Variants in PHACTR2 observed in about 807,000 individuals in gnomAD.
PHACTR2 encodes the protein phosphatase and actin regulator 2, also known as chromosome 6 open reading frame 56.
A neutral mutation model predicts 76.0 loss-of-function variants in PHACTR2; 30 were observed. The ratio of observed to expected loss-of-function variants is 0.39; its 90% confidence interval spans 0.30 to 0.54. The LOEUF (loss-of-function observed/expected upper bound fraction) is 0.54, where lower values mean the gene tolerates loss of function less well. Among genes scored for constraint, PHACTR2 ranks in the 20% least tolerant of loss-of-function variants. The pLI is 0.61. For synonymous variants in PHACTR2, 292 were observed against 292.5 expected (o/e 1.00, Z 0.02); for missense variants, 696 against 781.1 (o/e 0.89, Z 1.30).
chr6:143,589,999 T>A lies in PHACTR2; in HGVS notation c.217+52792T>A, dbSNP rs1415565374. Among the ~76,000 whole-genome samples the A allele has an allele frequency of 6.6e-6, 1 of 152,202 alleles. No individual in the cohort carries two copies. The highest frequency in any genetic ancestry group is 1.5e-5 in the Non-Finnish European group (1 of 68,046). On this transcript the variant is annotated intron_variant, in intron 1 of 11. Coordinates refer to the PHACTR2 transcript ENST00000367584. This position sits in a 1 kb window ranked among gnomAD's most constrained non-coding sequence, Gnocchi z 4.4. ...AAAAATATAATGATCATGCCCAGGT[T>A]GAATTTATTACAGAATATTATAGTC... is the stretch of plus-strand genomic sequence containing the variant.
chr6:143,542,254 G>A (rs1333312829), intron 1 of PHACTR2, among the ~76,000 whole-genome samples: 1 of 152,110 alleles, frequency 6.6e-6, no homozygotes, highest in African/African-American at 2.4e-5. Context: ...CCTTTTCTTT[G>A]CACAAAAGCC....
intron 6 of PHACTR2, among the ~76,000 whole-genome samples, chr6:143,768,754 C>T (rs1413822778): frequency 6.6e-6 from 1 of 152,184 alleles, no homozygotes; most frequent in Admixed American, 6.5e-5. Context: ...GAGCTTAGTA[C>T]ATCATTAGCC....
rs1775786145 is a variant in PHACTR2 at position 143,794,672 on chromosome 6, T to C, written c.1845+5762T>C. ...AGCTGTGCATGGTGGCTCCTGCCTG[T>C]AGTCCCAGCTGCTTGGGAGACTGAA... On this transcript the variant is annotated intron_variant, in intron 11 of 12. Transcript: ENST00000440869. This position sits in a 1 kb window ranked among gnomAD's most constrained non-coding sequence, Gnocchi z 4.1. Among the ~76,000 whole-genome samples the C allele has an allele frequency of 6.6e-6, 1 of 152,126 alleles. No individual in the cohort carries two copies.
At chr6:143,768,469 C>T (rs761361296) in intron 6 of PHACTR2, among the ~76,000 whole-genome samples, 8 of 152,072 alleles carry the variant, frequency 5.3e-5, no homozygotes, top group Non-Finnish European at 8.8e-5. Context: ...ATTGGGTATA[C>T]GGGATTATTG....
Position 143,627,088 on chromosome 6 carries a change from G to A in PHACTR2, c.13+18766G>A, listed in dbSNP as rs991234512. Among the ~76,000 whole-genome samples the A allele has an allele frequency of 6.6e-6, 1 of 152,152 alleles. No homozygotes were observed. Among genetic ancestry groups the A allele is most frequent in the South Asian group, 2.1e-4 (1 of 4,828 alleles). ...ACGCCAACACTGTTGTGAGGAGACC[G>A]ATGAGACATAGAACTGGAAGTGCTT... On this transcript the variant is annotated intron_variant, in intron 1 of 11. Transcript: ENST00000305766. This position sits in a 1 kb window ranked among gnomAD's most constrained non-coding sequence, Gnocchi z 4.3.
chr6:143,760,505 C>T lies in PHACTR2; in HGVS notation c.559C>T (p.Pro187Ser), dbSNP rs374397117. 6.7e-5 allele frequency: 108 copies of T among 1,613,866 alleles called. No individual in the cohort carries two copies. The highest frequency in any genetic ancestry group is 8.6e-5 in the Non-Finnish European group (102 of 1,179,904). ...KPKPKKSPVP[P>S]KGATAGASHK... Reference sequence around the variant, plus strand: ...TAAACCCAAAAAATCACCTGTGCCTCCGAAAGGGGCCACTGCTGGGGCCAG... The same window carrying T: ...TAAACCCAAAAAATCACCTGTGCCTTCGAAAGGGGCCACTGCTGGGGCCAG... Residue 187 changes from proline (P) to serine (S), a missense_variant, in exon 5 of 13, where the codon CCG becomes TCG. Physicochemically the swap from Pro to Ser is moderately conservative, Grantham distance 74. Coordinates refer to ENST00000440869, the MANE Select transcript of PHACTR2 (RefSeq NM_001100164.2). This position sits in a 1 kb window ranked among gnomAD's most constrained non-coding sequence, Gnocchi z 6.4.
intron 4 of PHACTR2, among the ~76,000 whole-genome samples, chr6:143,759,367 G>T (rs1479834305): frequency 5.3e-5 from 8 of 152,128 alleles, no homozygotes; most frequent in Non-Finnish European, 1.2e-4. Flanking sequence ...GACAGTATTT[G>T]AAAAGGCCAG....
At chr6:143,771,319 T>A (rs1295067402) in intron 6 of PHACTR2, among the ~76,000 whole-genome samples, 1 of 146,114 alleles carries the variant, frequency 6.8e-6, no homozygotes, top group Non-Finnish European at 1.5e-5. Context: ...CACTGCAGTC[T>A]CGATTTCCCA....
In PHACTR2 at chr6:143,765,459, G is replaced by T. The variant is rs1779538701; in HGVS notation, c.893G>T (p.Gly298Val). Reference sequence around the variant, plus strand: ...CTGTCCTCAGACACAACAACTTCTGGCACATCCGACCTGAAAGGAGAGCCT... The same window carrying T: ...CTGTCCTCAGACACAACAACTTCTGTCACATCCGACCTGAAAGGAGAGCCT... Reference protein sequence around the residue: ...SHLSSDTTTSGTSDLKGEPAE... With the variant: ...SHLSSDTTTSVTSDLKGEPAE... The change falls in exon 6 of 13, where the codon GGC becomes GTC. Residue 298 changes from glycine (G) to valine (V), a missense_variant. Gly to Val is a moderately radical substitution (Grantham distance 109). Around this residue, in one of 2 missense-constraint regions of PHACTR2, gnomAD observed 460 missense variants for 450.9 expected, o/e 1.02. Transcript: ENST00000440869. This position sits in a 1 kb window ranked among gnomAD's most constrained non-coding sequence, Gnocchi z 4.1. 6.2e-7 allele frequency: 1 copy of T among 1,614,072 alleles called. No individual in the cohort carries two copies. Among genetic ancestry groups the T allele is most frequent in the African/African-American group, 1.3e-5 (1 of 74,922 alleles).
intron 1 of PHACTR2, among the ~76,000 whole-genome samples, chr6:143,660,260 G>T (rs1776926196): frequency 6.6e-6 from 1 of 151,384 alleles, no homozygotes; most frequent in South Asian, 2.1e-4. Context: ...AAAAAAAAAG[G>T]TTTATTGGAC....
rs1174460460 is a variant in PHACTR2, at chr6:143,765,550, A to G, written c.984A>G (p.Thr328=). ...TCCCTGGAGCTGAGGAGCAGAACAC[A>G]GGCAAATTCAAGTCCATGGTCCCTC... The part of the protein sequence containing the change: ...QTVPGAEEQN[T]GKFKSMVPPP... Residue 328 remains threonine (T), a synonymous_variant, in exon 6 of 13, where the codon ACA becomes ACG. Coordinates refer to ENST00000440869, the MANE Select transcript of PHACTR2 (RefSeq NM_001100164.2). This position sits in a 1 kb window ranked among gnomAD's most constrained non-coding sequence, Gnocchi z 4.1. 1.2e-6 allele frequency: 2 copies of G among 1,614,224 alleles called. No individual in the cohort carries two copies. The highest frequency in any genetic ancestry group is 2.2e-5 in the East Asian group (1 of 44,888).
At chr6:143,740,476 A>G (rs916700375) in intron 2 of PHACTR2, among the ~76,000 whole-genome samples, 1 of 150,900 alleles carries the variant, frequency 6.6e-6, no homozygotes, top group African/African-American at 2.4e-5. Flanking sequence ...TTTTACAAAA[A>G]CAAAACAACT....
At chr6:143,630,893 C>A (rs1776353249) in intron 1 of PHACTR2, among the ~76,000 whole-genome samples, 1 of 152,206 alleles carries the variant, frequency 6.6e-6, no homozygotes, top group Non-Finnish European at 1.5e-5. Flanking sequence ...CACAAAAAGT[C>A]ATTCCTAGGT....
At chr6:143,666,981 G>A (rs1320674847) in intron 1 of PHACTR2, among the ~76,000 whole-genome samples, 1 of 152,086 alleles carries the variant, frequency 6.6e-6, no homozygotes, top group Non-Finnish European at 1.5e-5. Flanking sequence ...GTATTGCCGA[G>A]GTTTTCTTCT....
Position 143,760,537 on chromosome 6 carries a change from A to G in PHACTR2, c.591A>G (p.Lys197=), listed in dbSNP as rs753058913. 5.6e-6 allele frequency: 9 copies of G among 1,613,896 alleles called. No homozygotes were observed. Among genetic ancestry groups the G allele is most frequent in the Admixed American group, 1.7e-5 (1 of 60,012 alleles). The change falls in exon 5 of 13, where the codon AAA becomes AAG. Residue 197 remains lysine (K), a synonymous_variant. Coordinates refer to ENST00000440869, the MANE Select transcript of PHACTR2 (RefSeq NM_001100164.2). The surrounding 1 kb of genome is among the most constrained non-coding windows in gnomAD (Gnocchi z 6.4). ...PKGATAGASH[K]GDEVPPIKKN... ...GGGCCACTGCTGGGGCCAGCCACAA[A>G]GGTGATGAAGTGCCTCCCATTAAAA...
At chr6:143,638,621 C>T (rs9484785) in intron 1 of PHACTR2, among the ~76,000 whole-genome samples, 116,428 of 151,466 alleles carry the variant, frequency 0.77, 45,406 homozygotes, top group Middle Eastern at 0.88. Flanking sequence ...AAGTTTTGAG[C>T]TAATTTTTCA....
Position 143,828,978 on chromosome 6 carries a change from A to G in PHACTR2, c.*5289A>G, listed in dbSNP as rs1453267518. ...GGAGAAAAAGTGCCTATCCTCAAACATTGTCTCTGCTGCCTTGCATTTCTT... is the reference window on the plus strand; with the variant it reads ...GGAGAAAAAGTGCCTATCCTCAAACGTTGTCTCTGCTGCCTTGCATTTCTT... On this transcript the variant is annotated 3_prime_UTR_variant, in exon 13 of 13. Transcript: ENST00000440869. The surrounding 1 kb of genome is among the most constrained non-coding windows in gnomAD (Gnocchi z 4.7). 6.6e-6 allele frequency: 1 copy of G among 151,982 alleles called. No individual in the cohort carries two copies. The highest frequency in any genetic ancestry group is 6.6e-5 in the Admixed American group (1 of 15,262). 9.4% of individuals were successfully genotyped at this position (151,982 alleles called of 1,614,324 possible).
In PHACTR2 at chr6:143,783,100, G is replaced by T; in HGVS notation, c.1646-119G>T. On this transcript the variant is annotated intron_variant, in intron 9 of 12. Coordinates refer to ENST00000440869, the MANE Select transcript of PHACTR2 (RefSeq NM_001100164.2). The surrounding 1 kb of genome is among the most constrained non-coding windows in gnomAD (Gnocchi z 5.2). ...AATATTTTGACAACTTTTTAACAATGTTGGTTGTGTGTTTGATCATTATTT... is the reference window on the plus strand; with the variant it reads ...AATATTTTGACAACTTTTTAACAATTTTGGTTGTGTGTTTGATCATTATTT... 1 of 595,534 alleles carries T rather than the reference G, an allele frequency of 1.7e-6. No homozygotes were observed. The allele number at this position is 595,534 out of a possible 1,614,324, so 36.9% of individuals were successfully genotyped here. A position where few individuals can be genotyped will look rare whatever the true frequency, so the allele number is the denominator to read the frequency against.
rs1259463163 is a variant in PHACTR2 at position 143,809,267 on chromosome 6, T to C, written c.1922+2134T>C. Among the ~76,000 whole-genome samples, 1 of 152,220 alleles carries C rather than the reference T, an allele frequency of 6.6e-6. No homozygotes were observed. The highest frequency in any genetic ancestry group is 1.5e-5 in the Non-Finnish European group (1 of 68,022). On this transcript the variant is annotated intron_variant, in intron 12 of 12. Coordinates refer to ENST00000440869, the MANE Select transcript of PHACTR2 (RefSeq NM_001100164.2). The surrounding 1 kb of genome is among the most constrained non-coding windows in gnomAD (Gnocchi z 4.2). Reference sequence around the variant, plus strand: ...AAATATTTATACTAAAAGAGGTTCTTTCTGTTCTGTTGTACTCTATATGAA... The same window carrying C: ...AAATATTTATACTAAAAGAGGTTCTCTCTGTTCTGTTGTACTCTATATGAA...
Sources: allele counts gnomAD v4.1 joint callset (sites outside exome capture counted in the v4.1 genomes callset), GRCh38; gene constraint gnomAD v4.1.1; regional missense constraint gnomAD v4.1.1; non-coding constraint Gnocchi (gnomAD v3.1); transcripts MANE v1.5; gene names NCBI Gene and HGNC (gene_info 2026-07-23, HGNC 2026-07-21).